CNTLN: variants seen among roughly 807,000 people sequenced by gnomAD.
The protein encoded by CNTLN is centlein, centrosomal protein.
Under a neutral mutation model 180.0 loss-of-function variants are expected in CNTLN, and 212 were observed. That is an observed-to-expected ratio of 1.18 (90% CI 1.05 to 1.32). CNTLN has a LOEUF of 1.32. Among genes scored for constraint, CNTLN ranks in the 40% most tolerant of loss-of-function variants. The pLI is 0.00. For missense variants in CNTLN, 2,095 were observed against 1,610.9 expected, an observed-to-expected ratio of 1.30 and a Z score of -5.14; for synonymous variants, 722 against 563.1, an observed-to-expected ratio of 1.28 and a Z score of -3.99.
At chr9:17,338,229 A>G (rs1211972003) in intron 10 of CNTLN, among the ~76,000 whole-genome samples, 3 of 147,126 alleles carry the variant, frequency 2.0e-5, no homozygotes, top group Non-Finnish European at 3.0e-5. Flanking sequence ...CAGTGGCGCC[A>G]TCTTTGCTCA....
At chr9:17,194,515 A>G (rs1821996709) in intron 2 of CNTLN, among the ~76,000 whole-genome samples, 1 of 152,146 alleles carries the variant, frequency 6.6e-6, no homozygotes, top group Non-Finnish European at 1.5e-5. Context: ...CCTTTGTTCT[A>G]GTTCCCAACA....
At chr9:17,427,714 T>C (rs758757547) in intron 18 of CNTLN, among the ~76,000 whole-genome samples, 81 of 152,324 alleles carry the variant, frequency 5.3e-4, no homozygotes, top group Admixed American at 5.2e-3. Context: ...ATTTAAGGAC[T>C]GATCCTTGAA....
chr9:17,395,062 G>C lies in CNTLN; in HGVS notation c.2608G>C (p.Glu870Gln), dbSNP rs1564067372. The change falls in exon 15 of 26, where the codon GAA becomes CAA. Residue 870 changes from glutamate (E) to glutamine (Q), a missense_variant. Transcript: ENST00000380647. ...LSKDGWEDVSESSSDSEAQTS... is the reference protein window; with the variant it reads ...LSKDGWEDVSQSSSDSEAQTS... ...CAAGGACGGCTGGGAGGATGTGAGT[G>C]AAAGCAGGTAAGGCTCTCATTAACT... 2 of 1,605,516 alleles carry C rather than the reference G, an allele frequency of 1.2e-6. No homozygotes were observed. The highest frequency in any genetic ancestry group is 1.7e-4 in the Middle Eastern group (1 of 6,018).
At chr9:17,451,688 T>G (rs1830787570) in intron 18 of CNTLN, among the ~76,000 whole-genome samples, 1 of 152,212 alleles carries the variant, frequency 6.6e-6, no homozygotes, top group African/African-American at 2.4e-5. Context: ...ACCAGCTGTT[T>G]CCTCCATGGG....
chr9:17,383,514 A>T (rs951268375), intron 13 of CNTLN, among the ~76,000 whole-genome samples: 2 of 151,110 alleles, frequency 1.3e-5, no homozygotes, highest in Non-Finnish European at 3.0e-5. Flanking sequence ...ACCCTGTCTT[A>T]AAAAAAAATG....
At chr9:17,352,771 T>C (rs114583755) in intron 12 of CNTLN, among the ~76,000 whole-genome samples, 2,468 of 152,276 alleles carry the variant, frequency 0.016, 70 homozygotes, top group African/African-American at 0.057. Context: ...TCTATGGATT[T>C]ACCTATTTTG....
chr9:17,252,388 T>G (rs1826197292), intron 5 of CNTLN, among the ~76,000 whole-genome samples: 1 of 151,662 alleles, frequency 6.6e-6, no homozygotes, highest in African/African-American at 2.4e-5. Context: ...TATACGCTGT[T>G]GTATCCTCAC....
chr9:17,393,323 G>C (rs111901131), intron 14 of CNTLN, among the ~76,000 whole-genome samples: 1 of 152,188 alleles, frequency 6.6e-6, no homozygotes, highest in Non-Finnish European at 1.5e-5. Context: ...CATCGGAGTT[G>C]TCAGTATATC....
At chr9:17,388,328 G>A (rs974218552) in intron 14 of CNTLN, 75 bp downstream of exon 14, 176 of 985,530 alleles carry the variant, frequency 1.8e-4, no homozygotes, top group Non-Finnish European at 3.5e-5. Flanking sequence ...ATTTTAAAAC[G>A]AGGGCTTGTA....
intron 12 of CNTLN, among the ~76,000 whole-genome samples, chr9:17,358,584 T>A (rs1823043257): frequency 6.6e-6 from 1 of 152,178 alleles, no homozygotes; most frequent in South Asian, 2.1e-4. Context: ...AAATATGGCA[T>A]AATGTGAATA....
chr9:17,374,656 T>C (rs1824602932), intron 13 of CNTLN, among the ~76,000 whole-genome samples: 1 of 152,034 alleles, frequency 6.6e-6, no homozygotes, highest in African/African-American at 2.4e-5. Context: ...GGTCAGGAGT[T>C]TGAGACCAGC....
At chr9:17,248,954 T>C (rs1825963083) in intron 5 of CNTLN, among the ~76,000 whole-genome samples, 1 of 151,938 alleles carries the variant, frequency 6.6e-6, no homozygotes, top group Non-Finnish European at 1.5e-5. Context: ...ATTTGCATCC[T>C]TTTTTTTCTT....
chr9:17,357,504 A>G (rs915500067), intron 12 of CNTLN, among the ~76,000 whole-genome samples: 5 of 150,126 alleles, frequency 3.3e-5, no homozygotes, highest in African/African-American at 4.9e-5. Flanking sequence ...GGCCATACAT[A>G]TATTATTCTA....
chr9:17,195,014 A>T (rs1441315478), intron 2 of CNTLN, among the ~76,000 whole-genome samples: 1 of 152,142 alleles, frequency 6.6e-6, no homozygotes, highest in East Asian at 1.9e-4. Flanking sequence ...CCCATAATTC[A>T]AATGGTCTCC....
the CNTLN span, among the ~76,000 whole-genome samples, chr9:17,517,617 G>A: frequency 2.0e-5 from 3 of 151,946 alleles, no homozygotes; most frequent in African/African-American, 7.3e-5. Context: ...GAGTTAGGCT[G>A]CCTCGGCTGA....
At chr9:17,408,891 A>G (rs184119424) in intron 15 of CNTLN, among the ~76,000 whole-genome samples, 2 of 152,208 alleles carry the variant, frequency 1.3e-5, no homozygotes, top group East Asian at 3.9e-4. Context: ...AACTAGAATC[A>G]GTGGGTGAAA....
chr9:17,215,881 G>A (rs975871678), intron 2 of CNTLN, among the ~76,000 whole-genome samples: 47 of 152,146 alleles, frequency 3.1e-4, no homozygotes, highest in African/African-American at 9.2e-4. Context: ...CTGGTGTGCC[G>A]TATGCTAAGA....
chr9:17,481,152 C>T (rs1324302236), intron 23 of CNTLN, among the ~76,000 whole-genome samples: 1 of 152,188 alleles, frequency 6.6e-6, no homozygotes, highest in African/African-American at 2.4e-5. Flanking sequence ...GACCAAGGAG[C>T]CTAGTTAGCA....
chr9:17,350,435 C>G (rs1050371647), intron 12 of CNTLN, among the ~76,000 whole-genome samples: 1 of 152,034 alleles, frequency 6.6e-6, no homozygotes, highest in Non-Finnish European at 1.5e-5. Flanking sequence ...CCCCTTTTAT[C>G]AGGTCCTCAT....
Sources: gnomAD v4.1 joint callset for allele counts (sites outside exome capture counted in the v4.1 genomes callset) on GRCh38, gnomAD v4.1.1 for gene constraint, MANE v1.5 for transcripts, NCBI Gene and HGNC (gene_info 2026-07-23, HGNC 2026-07-21) for gene names.